The following ARHGAP42 variants were observed in gnomAD, a reference collection of about 807,000 sequenced individuals.
ARHGAP42 encodes Rho GTPase activating protein 42, also known as rho GTPase-activating protein 42.
ARHGAP42 carries 63 observed loss-of-function variants against 125.0 expected under a neutral mutation model. The ratio of observed to expected loss-of-function variants is 0.50; its 90% confidence interval spans 0.41 to 0.62. The LOEUF (loss-of-function observed/expected upper bound fraction) is 0.62, where lower values mean the gene tolerates loss of function less well. Among genes scored for constraint, ARHGAP42 ranks in the 20% least tolerant of loss-of-function variants. The pLI, the probability that ARHGAP42 is intolerant of heterozygous loss-of-function variation, is 0.00. For synonymous variants in ARHGAP42, 339 were observed against 351.0 expected, an observed-to-expected ratio of 0.97 and a Z score of 0.38; for missense variants, 766 against 1,024.2, an observed-to-expected ratio of 0.75 and a Z score of 3.44.
chr11:100,691,007 C>T (rs1306989850), intron 1 of ARHGAP42, among the ~76,000 whole-genome samples: 1 of 152,160 alleles, frequency 6.6e-6, no homozygotes, highest in Non-Finnish European at 1.5e-5. Flanking sequence ...TTATCAAGTA[C>T]AGTGTGATAG....
chr11:100,842,474 A>G (rs1373038713), intron 3 of ARHGAP42, among the ~76,000 whole-genome samples: 4 of 152,180 alleles, frequency 2.6e-5, no homozygotes, highest in Non-Finnish European at 5.9e-5. Context: ...TTTCTCGGAC[A>G]ATTAGCTTCC....
rs1174400600 is a variant in ARHGAP42, at chr11:100,976,493, G to T, written c.2236+56G>T. ...CATTGTCTCAGTGTCACTTGTGCTGGATTATTCAGCATGGTTAAGCAGGGA... is the reference window on the plus strand; with the variant it reads ...CATTGTCTCAGTGTCACTTGTGCTGTATTATTCAGCATGGTTAAGCAGGGA... On this transcript the variant is annotated intron_variant, in intron 20 of 23. Transcript: ENST00000298815. 9 of 1,464,976 alleles carry T rather than the reference G, an allele frequency of 6.1e-6. No individual in the cohort carries two copies. In the East Asian group the frequency reaches 2.0e-4, roughly 32 times the overall value. The allele number at this position is 1,464,976 out of a possible 1,614,324, so 90.7% of individuals were successfully genotyped here. A position where few individuals can be genotyped will look rare whatever the true frequency, so the allele number is the denominator to read the frequency against.
chr11:100,807,711 T>C (rs188926464), intron 3 of ARHGAP42, among the ~76,000 whole-genome samples: 50 of 152,362 alleles, frequency 3.3e-4, no homozygotes, highest in Non-Finnish European at 6.8e-4. Context: ...CCTGCACTTC[T>C]GATCTCTTTC....
intron 1 of ARHGAP42, among the ~76,000 whole-genome samples, chr11:100,697,650 A>T (rs1331641339): frequency 6.6e-6 from 1 of 152,212 alleles, no homozygotes; most frequent in Non-Finnish European, 1.5e-5. Flanking sequence ...TATACAGGAA[A>T]AGTGATGATT....
chr11:100,728,426 T>C (rs762831464), intron 1 of ARHGAP42, among the ~76,000 whole-genome samples: 5 of 152,082 alleles, frequency 3.3e-5, no homozygotes, highest in Non-Finnish European at 5.9e-5. Flanking sequence ...AAAGATGCCT[T>C]GGGCAAGAGA....
At chr11:100,758,681 A>C (rs1862629939) in intron 1 of ARHGAP42, among the ~76,000 whole-genome samples, 1 of 152,226 alleles carries the variant, frequency 6.6e-6, no homozygotes, top group Admixed American at 6.5e-5. Flanking sequence ...TAATTATGAT[A>C]GTTTATCAAG....
At chr11:100,687,911 G>A in intron 1 of ARHGAP42, 79 bp downstream of exon 1, 3 of 1,427,468 alleles carry the variant, frequency 2.1e-6, no homozygotes, top group South Asian at 1.4e-5. Context: ...GTGGGTTGGA[G>A]GAGTCGGAGC....
chr11:100,863,340 G>A (rs1865492497), intron 4 of ARHGAP42, among the ~76,000 whole-genome samples: 2 of 152,176 alleles, frequency 1.3e-5, no homozygotes, highest in Admixed American at 1.3e-4. Flanking sequence ...TTGATTAAAG[G>A]TAGAATCTTC....
intron 4 of ARHGAP42, among the ~76,000 whole-genome samples, chr11:100,864,966 A>G (rs1179115052): frequency 6.6e-6 from 1 of 152,148 alleles, no homozygotes; most frequent in Non-Finnish European, 1.5e-5. Context: ...TAAAAGTTAA[A>G]TTTTTATTTC....
At chr11:100,953,344 T>A (rs987020513) in intron 12 of ARHGAP42, among the ~76,000 whole-genome samples, 11 of 152,216 alleles carry the variant, frequency 7.2e-5, no homozygotes, top group African/African-American at 2.7e-4. Flanking sequence ...CAGTTTTGCA[T>A]AATATGTATT....
intron 1 of ARHGAP42, among the ~76,000 whole-genome samples, chr11:100,763,240 C>A (rs893120252): frequency 3.3e-5 from 5 of 151,976 alleles, no homozygotes; most frequent in Non-Finnish European, 5.9e-5. Flanking sequence ...CTCGGCCTCC[C>A]AAAGTGCTGG....
intron 22 of ARHGAP42, among the ~76,000 whole-genome samples, chr11:100,980,087 G>A (rs966928675): frequency 2.6e-5 from 4 of 152,126 alleles, no homozygotes; most frequent in African/African-American, 9.7e-5. Context: ...GGGCCCTCAT[G>A]TATTAGGTTT....
chr11:100,757,638 A>T (rs960794406), intron 1 of ARHGAP42, among the ~76,000 whole-genome samples: 5 of 152,342 alleles, frequency 3.3e-5, no homozygotes, highest in South Asian at 2.1e-4. Flanking sequence ...TCTGCAATTT[A>T]AAAATGCCAT....
chr11:100,889,716 TTC>T (rs970315762), intron 4 of ARHGAP42, among the ~76,000 whole-genome samples: 4 of 152,220 alleles, frequency 2.6e-5, no homozygotes, highest in African/African-American at 9.6e-5. Flanking sequence ...GAAACTCTTT[TTC>T]TCTGGAAGAT....
chr11:100,859,538 G>A lies in ARHGAP42; in HGVS notation c.313-16G>A, dbSNP rs1865396334. 7.2e-6 allele frequency: 11 copies of A among 1,527,118 alleles called. No homozygotes were observed. Among genetic ancestry groups the A allele is most frequent in the Admixed American group, 2.2e-5 (1 of 45,702 alleles). 94.6% of individuals were successfully genotyped at this position (1,527,118 alleles called of 1,614,324 possible). The stretch of plus-strand genomic sequence containing the variant: ...AAATTATGCAAGATTTAATATATGT[G>A]CATTTTTTATTTCAGATCCAAAACG... On this transcript the variant is annotated splice_polypyrimidine_tract_variant and intron_variant, in intron 3 of 23. Coordinates refer to ENST00000298815, the MANE Select transcript of ARHGAP42 (RefSeq NM_152432.4).
At chr11:100,907,146 C>T (rs1267527990) in intron 4 of ARHGAP42, among the ~76,000 whole-genome samples, 1 of 152,210 alleles carries the variant, frequency 6.6e-6, no homozygotes, top group Non-Finnish European at 1.5e-5. Flanking sequence ...TAGCACATGG[C>T]ATCATTCAAC....
intron 2 of ARHGAP42, among the ~76,000 whole-genome samples, chr11:100,788,433 G>C (rs955733002): frequency 3.3e-5 from 5 of 152,170 alleles, no homozygotes; most frequent in Admixed American, 3.3e-4. Flanking sequence ...AAGGATGTAT[G>C]CCTCCAAGTA....
At chr11:100,876,971 A>G (rs536608079) in intron 4 of ARHGAP42, among the ~76,000 whole-genome samples, 40 of 152,302 alleles carry the variant, frequency 2.6e-4, no homozygotes, top group Non-Finnish European at 2.9e-4. Context: ...GATGACCTCT[A>G]CAATTACTGT....
At chr11:100,746,412 G>A (rs1312900258) in intron 1 of ARHGAP42, among the ~76,000 whole-genome samples, 1 of 152,178 alleles carries the variant, frequency 6.6e-6, no homozygotes, top group East Asian at 1.9e-4. Flanking sequence ...TGCAGCCCAC[G>A]CCCAGTTGAC....
Sources: gnomAD v4.1 joint callset for allele counts (sites outside exome capture counted in the v4.1 genomes callset) on GRCh38, gnomAD v4.1.1 for gene constraint, MANE v1.5 for transcripts, NCBI Gene and HGNC (gene_info 2026-07-23, HGNC 2026-07-21) for gene names.